CCDC85A: variants seen among roughly 807,000 people sequenced by gnomAD.
CCDC85A encodes the protein coiled-coil domain-containing protein 85A.
A neutral mutation model predicts 50.2 loss-of-function variants in CCDC85A; 38 were observed. The ratio of observed to expected loss-of-function variants is 0.76; its 90% CI spans 0.58 to 0.99. The LOEUF (loss-of-function observed/expected upper bound fraction) is 0.99, where lower values mean the gene tolerates loss of function less well. Ranked by LOEUF, CCDC85A falls within the 50% of genes least tolerant of loss-of-function variation. The pLI, the probability that CCDC85A is intolerant of heterozygous loss-of-function variation, is 0.00. For missense variants in CCDC85A, 820 were observed against 742.0 expected (o/e 1.11, Z -1.22); for synonymous variants, 366 against 301.4 (o/e 1.21, Z -2.22).
intron 5 of CCDC85A, among the ~76,000 whole-genome samples, chr2:56,381,960 C>A (rs1424724283): frequency 6.6e-6 from 1 of 151,904 alleles, no homozygotes; most frequent in Non-Finnish European, 1.5e-5. Flanking sequence ...AAGCTTGCCC[C>A]CCTTGTTTAC....
intron 5 of CCDC85A, among the ~76,000 whole-genome samples, chr2:56,378,819 A>G (rs1676455575): frequency 6.6e-6 from 1 of 152,208 alleles, no homozygotes; most frequent in African/African-American, 2.4e-5. Flanking sequence ...GTCCGTGATG[A>G]CAGTAGAATC....
intron 2 of CCDC85A, among the ~76,000 whole-genome samples, chr2:56,280,346 AG>A (rs1671150925): frequency 1.3e-5 from 2 of 152,186 alleles, no homozygotes; most frequent in African/African-American, 4.8e-5. Context: ...TCTTATTTAA[AG>A]ACGTCTCAAG....
chr2:56,205,806 G>T (rs893695884), intron 2 of CCDC85A, among the ~76,000 whole-genome samples: 4 of 152,148 alleles, frequency 2.6e-5, no homozygotes, highest in African/African-American at 4.8e-5. Flanking sequence ...ATTATGTGAG[G>T]TGTTCATGGT....
Position 56,350,132 on chromosome 2 carries a change from A to ACAGTCTT in CCDC85A, c.1317+7179_1317+7185dup, listed in dbSNP as rs961222769. On this transcript the variant is annotated intron_variant, in intron 3 of 5. Transcript: ENST00000407595. ...CAAGAAGTTAAAAGTTAAAGATGAA[A>ACAGTCTT]CAGTCTTCTGTTTTCTTTTCCTTTT... 1.0e-4 allele frequency among the ~76,000 whole-genome samples: 15 copies of ACAGTCTT among 149,680 alleles called. 1 individual carries two copies. The highest frequency in any genetic ancestry group is 1.8e-4 in the Non-Finnish European group (12 of 67,474).
At chr2:56,186,466 A>G (rs1676051964) in intron 1 of CCDC85A, among the ~76,000 whole-genome samples, 2 of 152,208 alleles carry the variant, frequency 1.3e-5, no homozygotes, top group Non-Finnish European at 1.5e-5. Flanking sequence ...ATACTTGACT[A>G]TAAAATGGTA....
intron 5 of CCDC85A, chr2:56,383,507 C>T (rs770685140): frequency 3.1e-4 from 244 of 790,238 alleles, no homozygotes; most frequent in Non-Finnish European, 3.7e-4. Context: ...TTGATTGCAC[C>T]TTTTGTCCCT....
intron 3 of CCDC85A, among the ~76,000 whole-genome samples, chr2:56,351,806 T>C (rs192996853): frequency 6.6e-6 from 1 of 151,938 alleles, no homozygotes; most frequent in East Asian, 1.9e-4. Context: ...GTAGGTTGCC[T>C]GTTCACTCCA....
chr2:56,289,437 A>G (rs900330111), intron 2 of CCDC85A, among the ~76,000 whole-genome samples: 1 of 152,172 alleles, frequency 6.6e-6, no homozygotes, highest in Non-Finnish European at 1.5e-5. Flanking sequence ...CATCTGAGCC[A>G]AGTCTTGAAA....
At position 56,184,464 on chromosome 2, in the gene CCDC85A, C is replaced by T; in HGVS notation, c.-161C>T. ...CGGGGATGGCGAGGTAGGATGGCCA[C>T]CCAGCGCGACCCCCGCCGCCCCAAC... On this transcript the variant is annotated 5_prime_UTR_variant, in exon 1 of 6. Coordinates refer to ENST00000407595, the MANE Select transcript of CCDC85A (RefSeq NM_001080433.2). The T allele has an allele frequency of 1.3e-6, 1 of 791,330 alleles. No homozygotes were observed. The allele number at this position is 791,330 out of a possible 1,614,324, so 49.0% of individuals were successfully genotyped here.
At chr2:56,200,378 T>C (rs756658854) in intron 2 of CCDC85A, among the ~76,000 whole-genome samples, 2 of 152,198 alleles carry the variant, frequency 1.3e-5, no homozygotes, top group Non-Finnish European at 2.9e-5. Context: ...TAAGAATCGT[T>C]CCATGTTCTG....
At chr2:56,312,507 A>G (rs1274976510) in intron 2 of CCDC85A, among the ~76,000 whole-genome samples, 1 of 152,186 alleles carries the variant, frequency 6.6e-6, no homozygotes, top group Non-Finnish European at 1.5e-5. Flanking sequence ...TATGCTGCCC[A>G]TAATACAGGT....
chr2:56,383,083 T>C (rs1477348838), intron 5 of CCDC85A, among the ~76,000 whole-genome samples: 2 of 151,928 alleles, frequency 1.3e-5, no homozygotes, highest in African/African-American at 4.8e-5. Context: ...TCCTTTTGAG[T>C]ACAATGGGAT....
At position 56,193,208 on chromosome 2, in the gene CCDC85A, G is replaced by T. The variant is rs1315290479; in HGVS notation, c.1008G>T (p.Pro336=). ...PEHARHSGGS[P]EHLQKHALGG... ...ACGCCAGGCACAGTGGAGGGAGCCC[G>T]GAGCATCTTCAGAAACACGCTCTTG... is the stretch of plus-strand genomic sequence containing the variant. The change falls in exon 2 of 6, where the codon CCG becomes CCT. Residue 336 remains proline, a synonymous_variant. Coordinates refer to ENST00000407595, the MANE Select transcript of CCDC85A (RefSeq NM_001080433.2). 1.2e-6 allele frequency: 2 copies of T among 1,612,948 alleles called. No individual in the cohort carries two copies. The highest frequency in any genetic ancestry group is 1.7e-6 in the Non-Finnish European group (2 of 1,179,632).
At chr2:56,202,565 G>A (rs1406908057) in intron 2 of CCDC85A, among the ~76,000 whole-genome samples, 1 of 152,172 alleles carries the variant, frequency 6.6e-6, no homozygotes, top group Non-Finnish European at 1.5e-5. Context: ...GGAGCAAAAG[G>A]ATGGGCCAGA....
chr2:56,384,316 G>A lies in CCDC85A; in HGVS notation c.1623G>A (p.Arg541=). The part of the protein sequence containing the change: ...GDAAGSCPGI[R]QHLSGNQYKG... ...CTGCAGGTTCGTGTCCTGGAATTAG[G>A]CAACATTTGTCAGGAAACCAGTACA... The change falls in exon 6 of 6, where the codon AGG becomes AGA. Residue 541 remains arginine (R), a synonymous_variant. Transcript: ENST00000407595. 1.2e-6 allele frequency: 2 copies of A among 1,611,190 alleles called. No homozygotes were observed. Among genetic ancestry groups the A allele is most frequent in the Non-Finnish European group, 1.7e-6 (2 of 1,178,134 alleles).
chr2:56,366,629 C>A (rs1186048617), intron 3 of CCDC85A, among the ~76,000 whole-genome samples: 4 of 152,080 alleles, frequency 2.6e-5, no homozygotes, highest in Non-Finnish European at 5.9e-5. Flanking sequence ...TGAGTTATTT[C>A]TATATTTTGG....
chr2:56,264,634 C>A lies in CCDC85A; in HGVS notation c.1240+71194C>A, dbSNP rs112313861. On this transcript the variant is annotated intron_variant, in intron 2 of 5. Transcript: ENST00000407595. ...TCACCCTAGCTTTCTAGTGTCTAGT[C>A]TGCATACAACCACCAGAGTCATCCT... 1.6e-3 allele frequency among the ~76,000 whole-genome samples: 238 copies of A among 152,302 alleles called. 1 individual carries two copies. Among genetic ancestry groups the A allele is most frequent in the African/African-American group, 5.5e-3 (227 of 41,570 alleles).
At chr2:56,361,919 T>C (rs1025451898) in intron 3 of CCDC85A, among the ~76,000 whole-genome samples, 12 of 152,074 alleles carry the variant, frequency 7.9e-5, no homozygotes, top group Non-Finnish European at 1.3e-4. Flanking sequence ...GTACACTCAT[T>C]AGGGAGCTAG....
At chr2:56,285,554 CAT>C (rs1056289619) in intron 2 of CCDC85A, among the ~76,000 whole-genome samples, 6 of 142,132 alleles carry the variant, frequency 4.2e-5, no homozygotes, top group Non-Finnish European at 7.6e-5. Context: ...TATAATATAA[CAT>C]AATATATAAT....
Sources: gnomAD v4.1 joint callset for allele counts (sites outside exome capture counted in the v4.1 genomes callset) on GRCh38, gnomAD v4.1.1 for gene constraint, MANE v1.5 for transcripts, NCBI Gene and HGNC (gene_info 2026-07-23, HGNC 2026-07-21) for gene names.